ITPR2: variants seen among roughly 807,000 people sequenced by gnomAD.
The protein encoded by ITPR2 is inositol 1,4,5-trisphosphate-gated calcium channel ITPR2.
A neutral mutation model predicts 317.1 loss-of-function variants in ITPR2; 207 were observed. The ratio of observed to expected loss-of-function variants is 0.65; its 90% CI spans 0.58 to 0.73. The LOEUF is 0.73. Ranked by LOEUF, ITPR2 falls within the 30% of genes least tolerant of loss-of-function variation. The pLI is 0.00. For missense variants in ITPR2, 2,613 were observed against 3,284.0 expected (o/e 0.80, Z 4.99); for synonymous variants, 1,156 against 1,149.1 (o/e 1.01, Z -0.12).
chr12:26,348,998 A>G (rs1434074785), intron 55 of ITPR2, among the ~76,000 whole-genome samples: 1 of 152,154 alleles, frequency 6.6e-6, no homozygotes, highest in Non-Finnish European at 1.5e-5. Flanking sequence ...AAATTAAACA[A>G]TTAACTGTGT....
intron 2 of ITPR2, among the ~76,000 whole-genome samples, chr12:26,773,473 G>C (rs900944734): frequency 6.6e-6 from 1 of 152,168 alleles, no homozygotes; most frequent in Non-Finnish European, 1.5e-5. Context: ...GGGAGCTGGA[G>C]AGCTGTTCTT....
At chr12:26,479,410 G>T (rs2136830121) in intron 43 of ITPR2, among the ~76,000 whole-genome samples, 1 of 151,960 alleles carries the variant, frequency 6.6e-6, no homozygotes, top group South Asian at 2.1e-4. Flanking sequence ...ATTTTAAATG[G>T]ATGAGCCATT....
chr12:26,666,162 A>ATAGATAGGTAGATAGATAGAT (rs34107444), intron 13 of ITPR2, 111 bp from the exon 14 acceptor site: 7 of 400,482 alleles, frequency 1.7e-5, no homozygotes, highest in Non-Finnish European at 3.0e-5. Flanking sequence ...AGATAGATAG[A>ATAGATAGGTAGATAGATAGAT]TTTTTTTTTA....
chr12:26,515,814 C>A (rs1376932313), intron 37 of ITPR2, among the ~76,000 whole-genome samples: 1 of 151,442 alleles, frequency 6.6e-6, no homozygotes, highest in African/African-American at 2.4e-5. Flanking sequence ...AAGGCAAGGT[C>A]AGAAATGTAG....
intron 32 of ITPR2, among the ~76,000 whole-genome samples, chr12:26,589,223 T>G (rs927461620): frequency 6.6e-6 from 1 of 152,110 alleles, no homozygotes; most frequent in Non-Finnish European, 1.5e-5. Flanking sequence ...GATATTAGAA[T>G]GGAATAAGAA....
At chr12:26,540,295 A>G (rs1193765408) in intron 37 of ITPR2, among the ~76,000 whole-genome samples, 1 of 152,238 alleles carries the variant, frequency 6.6e-6, no homozygotes, top group Non-Finnish European at 1.5e-5. Flanking sequence ...TGCTGAAATG[A>G]TTACAAATTA....
At chr12:26,825,766 T>C (rs1425664244) in intron 1 of ITPR2, among the ~76,000 whole-genome samples, 1 of 152,236 alleles carries the variant, frequency 6.6e-6, no homozygotes, top group Non-Finnish European at 1.5e-5. Flanking sequence ...ATATACTTTA[T>C]GTTCACCACT....
chr12:26,649,792 GATA>G, intron 21 of ITPR2, among the ~76,000 whole-genome samples: 1 of 148,386 alleles, frequency 6.7e-6, no homozygotes, highest in Admixed American at 6.7e-5. Flanking sequence ...TAGATAGATA[GATA>G]GATAGATAGA....
intron 54 of ITPR2, among the ~76,000 whole-genome samples, chr12:26,394,026 T>C: frequency 6.6e-6 from 1 of 152,122 alleles, no homozygotes; most frequent in East Asian, 1.9e-4. Flanking sequence ...GGATAAGACA[T>C]GGATCTGGTT....
chr12:26,499,896 T>A (rs1274408259), intron 37 of ITPR2, among the ~76,000 whole-genome samples: 2 of 152,202 alleles, frequency 1.3e-5, no homozygotes, highest in Non-Finnish European at 2.9e-5. Flanking sequence ...AAATGTACCC[T>A]TACAACTTCA....
At chr12:26,340,411 TAAACC>T in intron 55 of ITPR2, 83 bp from the exon 56 acceptor site, 3 of 1,349,666 alleles carry the variant, frequency 2.2e-6, no homozygotes, top group Non-Finnish European at 2.9e-6. Context: ...TACTAACATT[TAAACC>T]AAAGTCTCTT....
intron 2 of ITPR2, among the ~76,000 whole-genome samples, chr12:26,769,920 CA>C (rs1212505905): frequency 1.3e-5 from 2 of 152,106 alleles, no homozygotes; most frequent in African/African-American, 4.8e-5. Context: ...AATACATTAT[CA>C]AAAGAATGCA....
intron 37 of ITPR2, among the ~76,000 whole-genome samples, chr12:26,519,599 G>A (rs147932504): frequency 2.9e-4 from 44 of 152,236 alleles, no homozygotes; most frequent in African/African-American, 9.1e-4. Context: ...CAATAAGGCC[G>A]GATAGAGACA....
At chr12:26,496,530 C>T (rs1942934669) in intron 37 of ITPR2, among the ~76,000 whole-genome samples, 1 of 152,176 alleles carries the variant, frequency 6.6e-6, no homozygotes. Flanking sequence ...CCTTGCTTTC[C>T]TAAGCTTCTT....
At position 26,391,428 on chromosome 12, in the gene ITPR2, G is replaced by T. The variant is rs181147602; in HGVS notation, c.7697-3834C>A. ...TAGGGAATGTCAGTTACTCTGGTGT[G>T]GCAGAAAGGGAACATTTGGAGATGC... is the stretch of plus-strand genomic sequence containing the variant. On this transcript the variant is annotated intron_variant, in intron 54 of 56. Transcript: ENST00000381340. Among the ~76,000 whole-genome samples, 621 of 152,192 alleles carry T rather than the reference G, an allele frequency of 4.1e-3. 3 individuals carry two copies. The highest frequency in any genetic ancestry group is 6.6e-3 in the South Asian group (32 of 4,820).
chr12:26,771,495 T>C (rs7316382), intron 2 of ITPR2, among the ~76,000 whole-genome samples: 55,666 of 151,998 alleles, frequency 0.37, 12,685 homozygotes, highest in Non-Finnish European at 0.53. Context: ...GTTTGTTTTT[T>C]GTTGTTGTTA....
intron 45 of ITPR2, among the ~76,000 whole-genome samples, chr12:26,454,458 G>A (rs1188698471): frequency 6.6e-6 from 1 of 152,034 alleles, no homozygotes; most frequent in Non-Finnish European, 1.5e-5. Flanking sequence ...TGCCCACCTC[G>A]GCCTCCCAAA....
At chr12:26,815,279 C>T (rs1469853455) in intron 1 of ITPR2, among the ~76,000 whole-genome samples, 1 of 152,086 alleles carries the variant, frequency 6.6e-6, no homozygotes. Flanking sequence ...TTTCAGTAAG[C>T]CAAGATTGTG....
rs1937933597 is a variant in ITPR2 at position 26,336,956 on chromosome 12, T to C, written c.*2441A>G. 6.7e-6 allele frequency: 1 copy of C among 148,238 alleles called. No individual in the cohort carries two copies. The highest frequency in any genetic ancestry group is 2.1e-4 in the South Asian group (1 of 4,658). The allele number at this position is 148,238 out of a possible 1,614,324, so 9.2% of individuals were successfully genotyped here. On this transcript the variant is annotated 3_prime_UTR_variant, in exon 57 of 57. Transcript: ENST00000381340. ...TTGATGTTCTGAAAAGTGCCTTTTT[T>C]GTCTGCTTCGATTTTTTGTTGCTGT...
Sources: gnomAD v4.1 joint callset for allele counts (sites outside exome capture counted in the v4.1 genomes callset) on GRCh38, gnomAD v4.1.1 for gene constraint, MANE v1.5 for transcripts, NCBI Gene and HGNC (gene_info 2026-07-23, HGNC 2026-07-21) for gene names.